Variants in ACO2 observed in about 807,000 individuals in gnomAD.
ACO2 encodes the protein aconitate hydratase, mitochondrial.
A neutral mutation model predicts 84.5 loss-of-function variants in ACO2; 31 were observed. That is an observed-to-expected ratio of 0.37 (90% CI 0.28 to 0.50). The LOEUF is 0.50. Ranked by LOEUF, ACO2 falls within the 20% of genes least tolerant of loss-of-function variation. ACO2 has a pLI of 0.97. For missense variants in ACO2, 685 were observed against 1,029.3 expected (o/e 0.67, Z 4.58); for synonymous variants, 414 against 412.7 (o/e 1.00, Z -0.04).
intron 2 of ACO2, among the ~76,000 whole-genome samples, chr22:41,501,900 C>A (rs1369986662): frequency 1.3e-5 from 2 of 152,160 alleles, no homozygotes; most frequent in Non-Finnish European, 2.9e-5. Flanking sequence ...TATTGTTTGT[C>A]AAGGACGGCT....
intron 3 of ACO2, among the ~76,000 whole-genome samples, chr22:41,509,514 C>G (rs1210233792): frequency 6.6e-6 from 1 of 152,082 alleles, no homozygotes; most frequent in Admixed American, 6.6e-5. Context: ...AATTTAGATG[C>G]TGGGGGAAAG....
At chr22:41,488,588 CAT>C (rs1221428332) in intron 1 of ACO2, among the ~76,000 whole-genome samples, 7 of 152,170 alleles carry the variant, frequency 4.6e-5, no homozygotes, top group African/African-American at 1.2e-4. Context: ...TTCTGAGTCT[CAT>C]GTGCGTTCTG....
intron 1 of ACO2, among the ~76,000 whole-genome samples, chr22:41,476,407 TAAA>T (rs760179812): frequency 1.8e-5 from 2 of 113,602 alleles, no homozygotes; most frequent in African/African-American, 3.3e-5. Flanking sequence ...AACTCTGTCT[TAAA>T]AAAAAAAAAA....
chr22:41,474,111 G>A (rs148886175), intron 1 of ACO2, among the ~76,000 whole-genome samples: 219 of 152,134 alleles, frequency 1.4e-3, no homozygotes, highest in African/African-American at 5.1e-3. Flanking sequence ...AGAGGAGTCT[G>A]GGACTAGGGA....
At chr22:41,528,076 T>C in intron 17 of ACO2, 54 bp downstream of exon 17, 1 of 1,611,734 alleles carries the variant, frequency 6.2e-7, no homozygotes, top group South Asian at 1.1e-5. Flanking sequence ...CCACCTTGTT[T>C]CCCCTCCTGC....
chr22:41,524,078 C>T (rs995733097), intron 12 of ACO2, 137 bp downstream of exon 12: 27 of 712,944 alleles, frequency 3.8e-5, no homozygotes, highest in South Asian at 2.7e-4. Flanking sequence ...CAGCCTCAGG[C>T]GCATGCTTGG....
At chr22:41,514,847 G>A (rs142419335) in intron 4 of ACO2, among the ~76,000 whole-genome samples, 22 of 152,344 alleles carry the variant, frequency 1.4e-4, no homozygotes, top group South Asian at 1.2e-3. Flanking sequence ...TGAAGTGGAC[G>A]AGGCATCACC....
At position 41,469,165 on chromosome 22, in the gene ACO2, C is replaced by G. The variant is rs748509428; in HGVS notation, c.19C>G (p.Leu7Val). 1.2e-6 allele frequency: 2 copies of G among 1,609,508 alleles called. No homozygotes were observed. Among genetic ancestry groups the G allele is most frequent in the East Asian group, 2.3e-5 (1 of 44,288 alleles). Reference sequence around the variant, plus strand: ...GCACAAAATGGCGCCCTACAGCCTACTGGTGACTCGGCTGCAGGTGAGCGA... The same window carrying G: ...GCACAAAATGGCGCCCTACAGCCTAGTGGTGACTCGGCTGCAGGTGAGCGA... MAPYSL[L>V]VTRLQKALGV... Residue 7 changes from leucine to valine, a missense_variant, in exon 1 of 18, where the codon CTG (leucine) becomes GTG (valine). Transcript: ENST00000216254.
intron 2 of ACO2, among the ~76,000 whole-genome samples, chr22:41,502,757 C>T (rs1245374796): frequency 2.0e-5 from 3 of 152,110 alleles, no homozygotes; most frequent in Non-Finnish European, 4.4e-5. Flanking sequence ...TACAGGCGTG[C>T]ATCACCATGC....
chr22:41,514,944 G>A (rs2066463705), intron 4 of ACO2, among the ~76,000 whole-genome samples: 1 of 152,222 alleles, frequency 6.6e-6, no homozygotes, highest in Non-Finnish European at 1.5e-5. Flanking sequence ...TTGTGGGGCT[G>A]GAGCCAGCTC....
chr22:41,510,684 G>A (rs2066427047), intron 3 of ACO2, among the ~76,000 whole-genome samples: 1 of 152,180 alleles, frequency 6.6e-6, no homozygotes, highest in African/African-American at 2.4e-5. Context: ...ACTGGGGTCA[G>A]TCTCACTGAC....
chr22:41,481,734 T>A (rs1337424601), intron 1 of ACO2, among the ~76,000 whole-genome samples: 1 of 152,212 alleles, frequency 6.6e-6, no homozygotes, highest in East Asian at 1.9e-4. Flanking sequence ...CCAGAGGCAC[T>A]TAACTTGAGT....
intron 1 of ACO2, among the ~76,000 whole-genome samples, chr22:41,490,358 A>G (rs893500020): frequency 6.6e-6 from 1 of 152,202 alleles, no homozygotes; most frequent in Admixed American, 6.5e-5. Flanking sequence ...TCTAACAGAA[A>G]ATTTGACATT....
At chr22:41,500,371 A>T (rs970485086) in intron 2 of ACO2, among the ~76,000 whole-genome samples, 4 of 147,578 alleles carry the variant, frequency 2.7e-5, no homozygotes, top group South Asian at 2.1e-4. Flanking sequence ...TATATATATA[A>T]AATAAAAATA....
intron 14 of ACO2, 87 bp from the exon 15 acceptor site, chr22:41,526,175 G>C: frequency 1.6e-6 from 2 of 1,271,632 alleles, no homozygotes; most frequent in South Asian, 1.4e-5. Context: ...CCTGGGCCCC[G>C]GGGCCTGCTG....
chr22:41,469,193 T>C lies in ACO2; in HGVS notation c.36+11T>C. Reference sequence around the variant, plus strand: ...GTGACTCGGCTGCAGGTGAGCGAGCTCAGGGACCTCTGGGTTCACGGGGGC... The same window carrying C: ...GTGACTCGGCTGCAGGTGAGCGAGCCCAGGGACCTCTGGGTTCACGGGGGC... On this transcript the variant is annotated intron_variant, in intron 1 of 17. Coordinates refer to ENST00000216254, the MANE Select transcript of ACO2 (RefSeq NM_001098.3). The C allele has an allele frequency of 1.2e-6, 2 of 1,606,558 alleles. No homozygotes were observed. Among genetic ancestry groups the C allele is most frequent in the South Asian group, 1.1e-5 (1 of 90,220 alleles).
intron 9 of ACO2, among the ~76,000 whole-genome samples, chr22:41,520,585 G>A (rs1323430868): frequency 6.6e-6 from 1 of 151,756 alleles, no homozygotes; most frequent in Non-Finnish European, 1.5e-5. Flanking sequence ...GCTCACACCT[G>A]TAATCCCAGC....
intron 15 of ACO2, 184 bp downstream of exon 15, chr22:41,526,637 G>C: frequency 5.2e-6 from 3 of 581,492 alleles, no homozygotes; most frequent in Non-Finnish European, 8.7e-6. Flanking sequence ...ATGAGGCCCA[G>C]GTCCGGTGGT....
At chr22:41,489,072 TC>T (rs2066253759) in intron 1 of ACO2, among the ~76,000 whole-genome samples, 1 of 152,070 alleles carries the variant, frequency 6.6e-6, no homozygotes, top group African/African-American at 2.4e-5. Flanking sequence ...AAGATCTTGC[TC>T]TGTGGTCCAG....
Sources: gnomAD v4.1 joint callset for allele counts (sites outside exome capture counted in the v4.1 genomes callset) on GRCh38, gnomAD v4.1.1 for gene constraint, MANE v1.5 for transcripts, NCBI Gene and HGNC (gene_info 2026-07-23, HGNC 2026-07-21) for gene names.